The following ANP32E variants were observed in gnomAD, a reference collection of about 807,000 sequenced individuals.
ANP32E encodes acidic nuclear phosphoprotein 32 family member E, also known as acidic leucine-rich nuclear phosphoprotein 32 family member E.
In ANP32E, 14 loss-of-function variants were observed where a neutral mutation model predicts 35.3. The observed-to-expected ratio is 0.40, with a 90% CI of 0.26 to 0.62. The LOEUF (loss-of-function observed/expected upper bound fraction) is 0.62. Among genes scored for constraint, ANP32E ranks in the 20% least tolerant of loss-of-function variants. The pLI is 0.45. For missense variants in ANP32E, 198 were observed against 304.4 expected (o/e 0.65, Z 2.60); for synonymous variants, 89 against 110.4 (o/e 0.81, Z 1.22).
rs1648109632 is a variant in ANP32E at position 150,218,654 on chromosome 1, A to G, written c.*2037T>C. On this transcript the variant is annotated 3_prime_UTR_variant, in exon 7 of 7. Transcript: ENST00000583931. ...TCTTGAGGAACTTAACACAATATAT[A>G]CATACTGCCATACAAAGAGCATTAA... 1 of 152,630 alleles carries G rather than the reference A, an allele frequency of 6.6e-6. No homozygotes were observed. Among genetic ancestry groups the G allele is most frequent in the African/African-American group, 2.4e-5 (1 of 41,462 alleles). The allele number at this position is 152,630 out of a possible 1,614,324, so 9.5% of individuals were successfully genotyped here. A position where few individuals can be genotyped will look rare whatever the true frequency, so the allele number is the denominator to read the frequency against.
At chr1:150,221,583 AGGGAGGGAGGGAGGGAG>A (rs1559993978) in intron 6 of ANP32E, among the ~76,000 whole-genome samples, 3 of 18,846 alleles carry the variant, frequency 1.6e-4, no homozygotes, top group East Asian at 3.4e-3. Flanking sequence ...AGTGGGAGGA[AGGGAGGGAGGGAGGGAG>A]GGAGGGAAGG....
chr1:150,235,879 G>T lies in ANP32E; in HGVS notation c.-93C>A. On this transcript the variant is annotated 5_prime_UTR_variant, in exon 1 of 7. Transcript: ENST00000583931. This position sits in a 1 kb window ranked among gnomAD's most constrained non-coding sequence, Gnocchi z 4.2. ...CAAAATTTTTAAGAGATTTAGAAAT[G>T]AATGAAAAGGAACGCAAATATAAAC... 3.5e-6 allele frequency: 3 copies of T among 863,746 alleles called. No individual in the cohort carries two copies. The highest frequency in any genetic ancestry group is 1.5e-5 in the South Asian group (1 of 66,824). 53.5% of individuals were successfully genotyped at this position (863,746 alleles called of 1,614,324 possible). A position where few individuals can be genotyped will look rare whatever the true frequency, so the allele number is the denominator to read the frequency against.
At chr1:150,230,937 T>C (rs587621601) in intron 2 of ANP32E, among the ~76,000 whole-genome samples, 1 of 152,198 alleles carries the variant, frequency 6.6e-6, no homozygotes, top group South Asian at 2.1e-4. Flanking sequence ...CAGATGGGGT[T>C]TCACCATGTT....
chr1:150,226,373 G>A (rs1553839992), intron 5 of ANP32E, among the ~76,000 whole-genome samples: 1 of 152,052 alleles, frequency 6.6e-6, no homozygotes, highest in Non-Finnish European at 1.5e-5. Flanking sequence ...ACCATACCAT[G>A]CCATTGAGGC....
rs368884324 is a variant in ANP32E, at chr1:150,229,298, C to CTTTTT, written c.328-66_328-62dup. The CTTTTT allele has an allele frequency of 7.6e-4, 329 of 431,156 alleles. 1 individual carries two copies. Among genetic ancestry groups the CTTTTT allele is most frequent in the East Asian group, 9.6e-4 (16 of 16,742 alleles). The allele number at this position is 431,156 out of a possible 1,614,324, so 26.7% of individuals were successfully genotyped here. On this transcript the variant is annotated intron_variant, in intron 3 of 6. Transcript: ENST00000583931. ...TAAAATACCATGTTATTTCTTTTTTCTTTTTTTTTTTTTTTTTTTGAGACG... is the reference window on the plus strand; with the variant it reads ...TAAAATACCATGTTATTTCTTTTTTCTTTTTTTTTTTTTTTTTTTTTTTTGAGACG...
rs1220619437 is a variant in ANP32E at position 150,220,747 on chromosome 1, G to C, written c.751C>G (p.Arg251Gly). Residue 251 changes from arginine (R) to glycine (G), a missense_variant, in exon 7 of 7, where the codon CGA becomes GGA. Arg to Gly is a moderately radical substitution (Grantham distance 125, BLOSUM62 -2). Transcript: ENST00000583931. ...EEEEEEEGGL[R>G]GEKRKRDAED... ...GCATCTCGTTTCCTCTTCTCCCCTC[G>C]AAGACCTCCTTCTTCTTAAAGAGTG... 6.2e-7 allele frequency: 1 copy of C among 1,613,546 alleles called. No homozygotes were observed. Among genetic ancestry groups the C allele is most frequent in the Non-Finnish European group, 8.5e-7 (1 of 1,179,802 alleles).
chr1:150,232,293 G>T (rs1284139366), intron 1 of ANP32E, among the ~76,000 whole-genome samples: 7 of 132,500 alleles, frequency 5.3e-5, no homozygotes, highest in Middle Eastern at 4.4e-3. Flanking sequence ...GCAGTGAGCC[G>T]AGATCCCGCC....
At position 150,229,079 on chromosome 1, in the gene ANP32E, A is replaced by G. The variant is rs782802339; in HGVS notation, c.486T>C (p.Asp162=). The part of the protein sequence containing the change: ...DNEAPDSEEE[D]DEDGDEDDEE... ...AGTATTAAGAACGATTACCCTCATC[A>G]TCCTCCTCTTCAGAGTCCGGCGCTT... Residue 162 remains aspartate, a synonymous_variant, in exon 4 of 7, where the codon GAT becomes GAC. Transcript: ENST00000583931. The G allele has an allele frequency of 1.2e-6, 2 of 1,613,068 alleles. No homozygotes were observed. The highest frequency in any genetic ancestry group is 2.2e-5 in the East Asian group (1 of 44,850).
Position 150,221,924 on chromosome 1 carries a change from T to C in ANP32E, c.737-1163A>G, listed in dbSNP as rs1553838162. Among the ~76,000 whole-genome samples the C allele has an allele frequency of 2.0e-5, 3 of 151,848 alleles. 1 individual carries two copies. In the South Asian group the frequency reaches 6.2e-4, roughly 32 times the overall value. Reference sequence around the variant, plus strand: ...CCGGGCAACAGTGAGACCCCGTCTATACAAAAAATACAAAAATTAGCAAGG... The same window carrying C: ...CCGGGCAACAGTGAGACCCCGTCTACACAAAAAATACAAAAATTAGCAAGG... On this transcript the variant is annotated intron_variant, in intron 6 of 6. Coordinates refer to ENST00000583931, the MANE Select transcript of ANP32E (RefSeq NM_030920.5).
Position 150,235,877 on chromosome 1 carries a change from A to T in ANP32E, c.-91T>A. 1.1e-6 allele frequency: 1 copy of T among 909,290 alleles called. No homozygotes were observed. The highest frequency in any genetic ancestry group is 1.7e-6 in the Non-Finnish European group (1 of 572,864). 56.3% of individuals were successfully genotyped at this position (909,290 alleles called of 1,614,324 possible). On this transcript the variant is annotated 5_prime_UTR_variant, in exon 1 of 7. Transcript: ENST00000583931. The surrounding 1 kb of genome is among the most constrained non-coding windows in gnomAD (Gnocchi z 4.2). ...CCCAAAATTTTTAAGAGATTTAGAA[A>T]TGAATGAAAAGGAACGCAAATATAA...
chr1:150,223,419 G>A (rs911746337), intron 5 of ANP32E, 179 bp from the exon 6 acceptor site: 20 of 713,436 alleles, frequency 2.8e-5, no homozygotes, highest in Non-Finnish European at 4.1e-5. Context: ...GGTGGCTCAC[G>A]CCTGTAATCC....
rs1649131723 is a variant in ANP32E at position 150,229,151 on chromosome 1, T to C, written c.414A>G (p.Leu138=). The stretch of plus-strand genomic sequence containing the variant: ...CATCTAAGTATGTGATTTGCTGCAG[T>C]AGTTCAAAAATACTTTCTCTATAAT... ...LEDYRESIFE[L]LQQITYLDGF... is the part of the protein sequence containing the mutation. The change falls in exon 4 of 7, where the codon CTA becomes CTG. Residue 138 remains leucine (L), a synonymous_variant. Coordinates refer to ENST00000583931, the MANE Select transcript of ANP32E (RefSeq NM_030920.5). The C allele has an allele frequency of 6.2e-7, 1 of 1,613,108 alleles. No individual in the cohort carries two copies. The highest frequency in any genetic ancestry group is 8.5e-7 in the Non-Finnish European group (1 of 1,179,206).
In ANP32E at chr1:150,218,842, A is replaced by G. The variant is rs1648122364; in HGVS notation, c.*1849T>C. On this transcript the variant is annotated 3_prime_UTR_variant, in exon 7 of 7. Transcript: ENST00000583931. The stretch of plus-strand genomic sequence containing the variant: ...TTGATTGCACAGTAAGATGATTGAT[A>G]AGAAAGTCAATATATAGATTTCATT... The G allele has an allele frequency of 6.6e-6, 1 of 152,652 alleles. No individual in the cohort carries two copies. The highest frequency in any genetic ancestry group is 2.4e-5 in the African/African-American group (1 of 41,470). 9.5% of individuals were successfully genotyped at this position (152,652 alleles called of 1,614,324 possible). A position where few individuals can be genotyped will look rare whatever the true frequency, so the allele number is the denominator to read the frequency against.
chr1:150,222,586 T>A (rs11576997), intron 6 of ANP32E, among the ~76,000 whole-genome samples: 13,316 of 150,242 alleles, frequency 0.089, 822 homozygotes, highest in Non-Finnish European at 0.13. Flanking sequence ...AAACCCCATC[T>A]CTAAAAAAAA....
intron 2 of ANP32E, among the ~76,000 whole-genome samples, 163 bp from the exon 3 acceptor site, chr1:150,230,856 C>T (rs1649297599): frequency 6.6e-6 from 1 of 151,854 alleles, no homozygotes; most frequent in Non-Finnish European, 1.5e-5. Flanking sequence ...AATTCTCCTG[C>T]CTCAGCCTCC....
chr1:150,235,177 G>A lies in ANP32E; in HGVS notation c.54+556C>T, dbSNP rs1387608051. Among the ~76,000 whole-genome samples, 4 of 152,354 alleles carry A rather than the reference G, an allele frequency of 2.6e-5. No individual in the cohort carries two copies. The highest frequency in any genetic ancestry group is 9.6e-5 in the African/African-American group (4 of 41,596). Reference sequence around the variant, plus strand: ...AGAGGGCGGCGCGCGCGGCTTCCCGGAGGAGTGGGCGCCGCCGGAGCAGAC... The same window carrying A: ...AGAGGGCGGCGCGCGCGGCTTCCCGAAGGAGTGGGCGCCGCCGGAGCAGAC... On this transcript the variant is annotated intron_variant, in intron 1 of 6. Coordinates refer to ENST00000583931, the MANE Select transcript of ANP32E (RefSeq NM_030920.5). This position sits in a 1 kb window ranked among gnomAD's most constrained non-coding sequence, Gnocchi z 4.2.
intron 2 of ANP32E, among the ~76,000 whole-genome samples, chr1:150,231,143 T>C (rs985915938): frequency 1.3e-5 from 2 of 152,228 alleles, no homozygotes; most frequent in Admixed American, 6.6e-5. Flanking sequence ...CCAAATTCCT[T>C]TCTACATCTG....
chr1:150,232,137 G>T (rs587706824), intron 1 of ANP32E, among the ~76,000 whole-genome samples: 6 of 151,722 alleles, frequency 4.0e-5, no homozygotes, highest in African/African-American at 1.5e-4. Context: ...GAGGTCAGGA[G>T]ATCGAGACCA....
At chr1:150,222,281 G>A (rs1322892778) in intron 6 of ANP32E, among the ~76,000 whole-genome samples, 10 of 151,152 alleles carry the variant, frequency 6.6e-5, no homozygotes, top group East Asian at 1.9e-4. Context: ...TTAGCCAGGC[G>A]TGGTGGCGGC....
Sources: gnomAD v4.1 joint callset for allele counts (sites outside exome capture counted in the v4.1 genomes callset) on GRCh38, gnomAD v4.1.1 for gene constraint, Gnocchi (gnomAD v3.1) non-coding constraint, MANE v1.5 for transcripts, NCBI Gene and HGNC (gene_info 2026-07-23, HGNC 2026-07-21) for gene names.